CDC42BPA: variants seen among roughly 807,000 people sequenced by gnomAD.
CDC42BPA encodes CDC42 binding protein kinase alpha.
A neutral mutation model predicts 223.5 loss-of-function variants in CDC42BPA; 80 were observed. The observed-to-expected ratio is 0.36, with a 90% confidence interval of 0.30 to 0.43. CDC42BPA has a LOEUF of 0.43. Among genes scored for constraint, CDC42BPA ranks in the 20% least tolerant of loss-of-function variants. The pLI is 1.00. For missense variants in CDC42BPA, 1,743 were observed against 2,099.9 expected, an observed-to-expected ratio of 0.83 and a Z score of 3.32; for synonymous variants, 694 against 718.6, an observed-to-expected ratio of 0.97 and a Z score of 0.55.
chr1:227,281,604 G>A (rs1160204919), intron 1 of CDC42BPA, among the ~76,000 whole-genome samples: 2 of 152,190 alleles, frequency 1.3e-5, no homozygotes, highest in African/African-American at 2.4e-5. Flanking sequence ...TGCCTGTACT[G>A]AGCCAGAGGT....
intron 2 of CDC42BPA, among the ~76,000 whole-genome samples, chr1:227,236,070 T>C (rs1255552085): frequency 6.6e-6 from 1 of 152,216 alleles, no homozygotes; most frequent in Non-Finnish European, 1.5e-5. Flanking sequence ...ATTCTTTTAA[T>C]AGAAGCTTTA....
At chr1:227,246,896 C>A (rs1001935216) in intron 2 of CDC42BPA, among the ~76,000 whole-genome samples, 4 of 152,164 alleles carry the variant, frequency 2.6e-5, no homozygotes, top group African/African-American at 9.6e-5. Flanking sequence ...ATTTCAGACA[C>A]AGAATTCAAA....
chr1:227,169,106 C>A (rs1472915820), intron 5 of CDC42BPA, among the ~76,000 whole-genome samples: 3 of 78,888 alleles, frequency 3.8e-5, no homozygotes, highest in Non-Finnish European at 6.1e-5. Context: ...TTTTTCATTT[C>A]TAGAATTTCC....
intron 1 of CDC42BPA, among the ~76,000 whole-genome samples, chr1:227,308,423 T>C (rs907952725): frequency 1.3e-5 from 2 of 150,782 alleles, no homozygotes; most frequent in Admixed American, 6.7e-5. Flanking sequence ...GGCAGAAGAA[T>C]TGCCTGACCT....
intron 2 of CDC42BPA, among the ~76,000 whole-genome samples, chr1:227,251,007 C>A (rs1681906000): frequency 6.6e-6 from 1 of 152,070 alleles, no homozygotes; most frequent in South Asian, 2.1e-4. Flanking sequence ...GAGCTATGAT[C>A]ACACCACTGC....
At chr1:227,278,581 A>G (rs1687508580) in intron 1 of CDC42BPA, among the ~76,000 whole-genome samples, 1 of 152,202 alleles carries the variant, frequency 6.6e-6, no homozygotes, top group African/African-American at 2.4e-5. Flanking sequence ...ACTACAAAAT[A>G]TTGACCTTGT....
intron 22 of CDC42BPA, 89 bp from the exon 23 acceptor site, chr1:227,048,099 C>G (rs973440595): frequency 2.7e-6 from 2 of 741,500 alleles, no homozygotes; most frequent in Admixed American, 2.7e-5. Context: ...ATAAATAAAA[C>G]AAAACATCAA....
At chr1:227,109,651 C>CCACCG (rs1686578458) in intron 14 of CDC42BPA, among the ~76,000 whole-genome samples, 1 of 151,986 alleles carries the variant, frequency 6.6e-6, no homozygotes. Flanking sequence ...CAGGTGTGAG[C>CCACCG]CACCGCACCT....
chr1:227,106,107 TTTTC>T (rs1272501072), intron 14 of CDC42BPA, among the ~76,000 whole-genome samples: 1 of 152,180 alleles, frequency 6.6e-6, no homozygotes, highest in African/African-American at 2.4e-5. Flanking sequence ...CCTACTTTCT[TTTTC>T]TTTCTTTTTA....
At chr1:227,065,793 C>G (rs544705573) in intron 21 of CDC42BPA, among the ~76,000 whole-genome samples, 5 of 152,298 alleles carry the variant, frequency 3.3e-5, no homozygotes, top group African/African-American at 1.2e-4. Context: ...AGCATGAGAA[C>G]ACTGGGTTCC....
intron 31 of CDC42BPA, among the ~76,000 whole-genome samples, chr1:227,025,518 C>A (rs753541526): frequency 1.2e-4 from 18 of 152,006 alleles, no homozygotes; most frequent in Non-Finnish European, 1.9e-4. Context: ...TGCAAACTAG[C>A]AGTTCTATAA....
At chr1:227,161,287 T>C (rs1236007096) in intron 5 of CDC42BPA, among the ~76,000 whole-genome samples, 1 of 152,192 alleles carries the variant, frequency 6.6e-6, no homozygotes, top group African/African-American at 2.4e-5. Flanking sequence ...AAAATAATCA[T>C]ATATAAAATG....
Position 227,112,807 on chromosome 1 carries a change from C to G in CDC42BPA, c.1754G>C (p.Arg585Pro), listed in dbSNP as rs769225215. 7 of 1,613,866 alleles carry G rather than the reference C, an allele frequency of 4.3e-6. No individual in the cohort carries two copies. The highest frequency in any genetic ancestry group is 5.9e-6 in the Non-Finnish European group (7 of 1,179,996). Residue 585 changes from arginine to proline, a missense_variant, in exon 13 of 37, where the codon CGG becomes CCG. Physicochemically the swap from Arg to Pro is moderately radical, Grantham distance 103. Coordinates refer to ENST00000366766, the MANE Select transcript of CDC42BPA (RefSeq NM_001394014.1). Reference sequence around the variant, plus strand: ...TTTTTGGGTGTGCAATTCTGTTAGCCGCTCATTGATCTCCATGAATTCCTG... The same window carrying G: ...TTTTTGGGTGTGCAATTCTGTTAGCGGCTCATTGATCTCCATGAATTCCTG... ...AMQEFMEINE[R>P]LTELHTQKQK...
rs111861839 is a variant in CDC42BPA, at chr1:227,006,111, C to T, written c.4858-1000G>A. 7.1e-3 allele frequency among the ~76,000 whole-genome samples: 1,076 copies of T among 151,852 alleles called. 1 individual carries two copies. The highest frequency in any genetic ancestry group is 0.014 in the Middle Eastern group (4 of 294). ...TTAACATCTTTTAACACTCATAAGG[C>T]TTTTCTCCATTTCTTCACATAATCC... On this transcript the variant is annotated intron_variant, in intron 34 of 36. Coordinates refer to ENST00000366766, the MANE Select transcript of CDC42BPA (RefSeq NM_001394014.1).
At chr1:227,038,689 C>T (rs935761595) in intron 24 of CDC42BPA, among the ~76,000 whole-genome samples, 32 of 152,226 alleles carry the variant, frequency 2.1e-4, no homozygotes, top group Admixed American at 7.2e-4. Flanking sequence ...GAATGTTCAA[C>T]GGAAATTTTA....
At position 227,142,979 on chromosome 1, in the gene CDC42BPA, G is replaced by A; in HGVS notation, c.1189C>T (p.Leu397=). ...PTHTAFSGHH[L]PFVGFTYTSS... ...GTATATGTAAAACCAACAAATGGCA[G>A]ATGGTGGCCAGAAAATGCAGTATGT... Residue 397 remains leucine, a synonymous_variant, in exon 9 of 37, where the codon CTG becomes TTG. Coordinates refer to ENST00000366766, the MANE Select transcript of CDC42BPA (RefSeq NM_001394014.1). 1 of 1,541,546 alleles carries A rather than the reference G, an allele frequency of 6.5e-7. No individual in the cohort carries two copies. Among genetic ancestry groups the A allele is most frequent in the Non-Finnish European group, 8.7e-7 (1 of 1,153,090 alleles).
intron 1 of CDC42BPA, among the ~76,000 whole-genome samples, chr1:227,268,668 A>ATATATATATG (rs1491340125): frequency 0.015 from 2,169 of 144,092 alleles, 61 homozygotes; most frequent in African/African-American, 0.054. Context: ...ATATATATAC[A>ATATATATATG]TATATATATA....
In CDC42BPA at chr1:227,028,863, C is replaced by A; in HGVS notation, c.4226G>T (p.Gly1409Val). The A allele has an allele frequency of 4.3e-6, 7 of 1,613,658 alleles. No homozygotes were observed. The highest frequency in any genetic ancestry group is 5.9e-6 in the Non-Finnish European group (7 of 1,179,708). ...GAGCATACTGTATGGATTTCCTTCT[C>A]CATTCAAGGGGTATCTTAGAAATCC... ...QSGFLRYPLN[G>V]EGNPYSMLHS... Residue 1409 changes from glycine to valine, a missense_variant, in exon 30 of 37, where the codon GGA (glycine) becomes GTA (valine). Physicochemically the swap from Gly to Val is moderately radical, Grantham distance 109. Around this residue, in one of 6 missense-constraint regions of CDC42BPA, gnomAD observed 678 missense variants for 777.5 expected, o/e 0.87. Transcript: ENST00000366766.
intron 33 of CDC42BPA, 122 bp from the exon 34 acceptor site, chr1:227,016,319 A>G: frequency 1.5e-6 from 1 of 674,154 alleles, no homozygotes; most frequent in Non-Finnish European, 2.6e-6. Context: ...ATAAGAATAT[A>G]GAGTAACAGA....
Sources: gnomAD v4.1 joint callset for allele counts (sites outside exome capture counted in the v4.1 genomes callset) on GRCh38, gnomAD v4.1.1 for gene constraint, gnomAD v4.1.1 regional missense constraint, MANE v1.5 for transcripts, NCBI Gene and HGNC (gene_info 2026-07-23, HGNC 2026-07-21) for gene names.